HMGXB3: variants seen among roughly 807,000 people sequenced by gnomAD.
HMGXB3 encodes HMG-box containing 3.
HMGXB3 carries 45 observed loss-of-function variants against 121.5 expected under a neutral mutation model. The ratio of observed to expected loss-of-function variants is 0.37; its 90% CI spans 0.29 to 0.47. The LOEUF is 0.47. Ranked by LOEUF, HMGXB3 falls within the 20% of genes least tolerant of loss-of-function variation. The pLI is 0.99. For missense variants in HMGXB3, 1,376 were observed against 1,602.2 expected (o/e 0.86, Z 2.41); for synonymous variants, 590 against 624.1 (o/e 0.95, Z 0.81).
intron 3 of HMGXB3, among the ~76,000 whole-genome samples, chr5:150,009,704 G>C (rs986849186): frequency 6.6e-6 from 1 of 152,132 alleles, no homozygotes; most frequent in Non-Finnish European, 1.5e-5. Context: ...AAGTATCAGA[G>C]CTCAAAAGGA....
chr5:150,032,629 C>T, intron 11 of HMGXB3, 26 bp downstream of exon 11: 1 of 1,551,882 alleles, frequency 6.4e-7, no homozygotes. Flanking sequence ...CAAACACATC[C>T]CCTGGCCTGT....
intron 11 of HMGXB3, among the ~76,000 whole-genome samples, chr5:150,033,567 G>T (rs1008594906): frequency 2.0e-5 from 3 of 152,154 alleles, no homozygotes; most frequent in African/African-American, 7.2e-5. Flanking sequence ...GGGGCATGGG[G>T]TGGGAGAAGG....
At chr5:150,005,726 T>TA (rs1319637853) in intron 2 of HMGXB3, among the ~76,000 whole-genome samples, 1 of 152,174 alleles carries the variant, frequency 6.6e-6, no homozygotes, top group African/African-American at 2.4e-5. Flanking sequence ...CTCAAACTTG[T>TA]GAAACTACCA....
At chr5:150,001,643 A>G (rs540984809) in intron 1 of HMGXB3, among the ~76,000 whole-genome samples, 109 of 152,308 alleles carry the variant, frequency 7.2e-4, no homozygotes, top group African/African-American at 2.5e-3. Flanking sequence ...TCTGTCCTCT[A>G]GAGCCCTTCG....
At chr5:150,014,277 C>T (rs972468033) in intron 5 of HMGXB3, among the ~76,000 whole-genome samples, 3 of 152,202 alleles carry the variant, frequency 2.0e-5, no homozygotes, top group Non-Finnish European at 2.9e-5. Flanking sequence ...CTTGGGTAAG[C>T]TCCACACCAG....
intron 15 of HMGXB3, among the ~76,000 whole-genome samples, chr5:150,042,437 G>A (rs1366287850): frequency 1.3e-5 from 2 of 152,188 alleles, no homozygotes; most frequent in African/African-American, 2.4e-5. Context: ...GGCAGTGAGG[G>A]GGGAAGGCCC....
At chr5:150,026,912 G>A (rs748288889) in intron 8 of HMGXB3, 31 bp downstream of exon 8, 3 of 1,511,052 alleles carry the variant, frequency 2.0e-6, no homozygotes, top group Non-Finnish European at 2.7e-6. Context: ...GGGATGGAGG[G>A]GCTGTCTGAC....
chr5:150,027,448 G>A (rs1448468205), intron 9 of HMGXB3, among the ~76,000 whole-genome samples: 2 of 152,048 alleles, frequency 1.3e-5, no homozygotes, highest in African/African-American at 2.4e-5. Context: ...GTTCATGTGT[G>A]TCCCCCCACC....
chr5:150,050,426 C>G lies in HMGXB3; in HGVS notation c.3376C>G (p.Gln1126Glu). 1 of 1,551,686 alleles carries G rather than the reference C, an allele frequency of 6.4e-7. No individual in the cohort carries two copies. The highest frequency in any genetic ancestry group is 8.7e-7 in the Non-Finnish European group (1 of 1,146,930). Residue 1126 changes from glutamine to glutamate, a missense_variant, in exon 19 of 20, where the codon CAG (glutamine) becomes GAG (glutamate). Physicochemically the swap from Gln to Glu is conservative, Grantham distance 29. This residue lies in a region of HMGXB3 where 260 missense variants were observed against 233.2 expected (regional missense o/e 1.11). Transcript: ENST00000502717. ...ELTNQMWGRN[Q>E]GCFSSPTEPP... ...GACTAACCAGATGTGGGGGAGGAAC[C>G]AGGGCTGTTTCTCTAGCCCCACAGA...
chr5:150,009,970 G>C (rs567323402), intron 3 of HMGXB3, 141 bp from the exon 4 acceptor site: 5 of 876,934 alleles, frequency 5.7e-6, no homozygotes, highest in Non-Finnish European at 8.5e-6. Context: ...ATCTGAATTA[G>C]GTCAAGAGAG....
intron 5 of HMGXB3, among the ~76,000 whole-genome samples, chr5:150,013,981 C>T (rs541314641): frequency 1.3e-5 from 2 of 152,216 alleles, no homozygotes; most frequent in African/African-American, 4.8e-5. Context: ...CTTTACATTA[C>T]AACCAACTAA....
Position 150,032,443 on chromosome 5 carries a change from T to TA in HMGXB3, c.1834-10dup. On this transcript the variant is annotated splice_polypyrimidine_tract_variant and intron_variant, in intron 10 of 19. Transcript: ENST00000502717. ...TTTTTGTAGAATTGAACACTGGTCT[T>TA]ACTTTTTTAGGATTTGGGCCTGGCT... 2 of 1,550,950 alleles carry TA rather than the reference T, an allele frequency of 1.3e-6. No homozygotes were observed. Among genetic ancestry groups the TA allele is most frequent in the East Asian group, 4.9e-5 (2 of 40,906 alleles).
intron 15 of HMGXB3, among the ~76,000 whole-genome samples, chr5:150,042,467 G>A (rs1756659491): frequency 6.6e-6 from 1 of 152,306 alleles, no homozygotes; most frequent in East Asian, 1.9e-4. Flanking sequence ...AGTAGCATTT[G>A]AGTAGAGATC....
intron 9 of HMGXB3, among the ~76,000 whole-genome samples, chr5:150,028,562 T>A (rs954169288): frequency 0.12 from 9,856 of 85,306 alleles, 902 homozygotes; most frequent in African/African-American, 0.26. Context: ...TATATATATT[T>A]TTTTTTTTTT....
Position 150,047,689 on chromosome 5 carries a change from T to A in HMGXB3, c.3016T>A (p.Tyr1006Asn), listed in dbSNP as rs1254029918. ...GTCKLDEIGSYSEEKLQHLLR... is the reference protein window; with the variant it reads ...GTCKLDEIGSNSEEKLQHLLR... ...CTGCAAGCTTGATGAGATTGGCTCC[T>A]ACAGTGAAGAGAAGCTGCAGCACCT... is the stretch of plus-strand genomic sequence containing the variant. Residue 1006 changes from tyrosine to asparagine, a missense_variant, in exon 17 of 20, where the codon TAC becomes AAC. By Grantham distance (143) the Tyr-to-Asn change is moderately radical (BLOSUM62 -2). Around this residue, in one of 2 missense-constraint regions of HMGXB3, gnomAD observed 1,116 missense variants for 1,369.0 expected, o/e 0.82. Transcript: ENST00000502717. 6.4e-7 allele frequency: 1 copy of A among 1,551,754 alleles called. No homozygotes were observed. The highest frequency in any genetic ancestry group is 2.0e-5 in the Admixed American group (1 of 51,012).
Position 150,037,493 on chromosome 5 carries a change from T to TTTTA in HMGXB3, c.2379_2380insTTTA (p.Leu794PhefsTer16). 1 of 1,551,320 alleles carries TTTTA rather than the reference T, an allele frequency of 6.4e-7. No homozygotes were observed. The highest frequency in any genetic ancestry group is 8.7e-7 in the Non-Finnish European group (1 of 1,146,756). On this transcript the variant is annotated frameshift_variant, in exon 13 of 20. Coordinates refer to ENST00000502717, the MANE Select transcript of HMGXB3 (RefSeq NM_014983.3). LOFTEE classifies it high-confidence loss of function. ...TGAAGATGTGTCTGAACCCCCATTG[T>TTTTA]CTGGCCCTGCACAGCTTCATAGACA...
intron 13 of HMGXB3, among the ~76,000 whole-genome samples, chr5:150,038,020 A>C (rs1045937805): frequency 1.3e-5 from 2 of 152,250 alleles, no homozygotes; most frequent in African/African-American, 2.4e-5. Flanking sequence ...AGAGAAGTAC[A>C]TGACCATTTT....
chr5:150,043,476 G>C (rs1431212918), intron 15 of HMGXB3, among the ~76,000 whole-genome samples: 1 of 152,194 alleles, frequency 6.6e-6, no homozygotes, highest in Non-Finnish European at 1.5e-5. Flanking sequence ...AGAACCTGTA[G>C]AGAACAGCTT....
intron 18 of HMGXB3, 61 bp from the exon 19 acceptor site, chr5:150,050,189 CTG>C: frequency 7.3e-7 from 1 of 1,376,102 alleles, no homozygotes; most frequent in Non-Finnish European, 1.0e-6. Flanking sequence ...CGAGTGAGAA[CTG>C]TACACTCTCT....
Sources: allele counts gnomAD v4.1 joint callset (sites outside exome capture counted in the v4.1 genomes callset), GRCh38; gene constraint gnomAD v4.1.1; regional missense constraint gnomAD v4.1.1; transcripts MANE v1.5; gene names NCBI Gene and HGNC (gene_info 2026-07-23, HGNC 2026-07-21).